The following SLC38A9 variants were observed in gnomAD, a reference collection of about 807,000 sequenced individuals.
SLC38A9 encodes neutral amino acid transporter 9.
SLC38A9 carries 48 observed loss-of-function variants against 62.3 expected under a neutral mutation model. That is an observed-to-expected ratio of 0.77 (90% CI 0.61 to 0.98). The LOEUF is 0.98. Among genes scored for constraint, SLC38A9 ranks in the 50% least tolerant of loss-of-function variants. The pLI, the probability that SLC38A9 is intolerant of heterozygous loss-of-function variation, is 0.00. For missense variants in SLC38A9, 541 were observed against 679.8 expected, an observed-to-expected ratio of 0.80 and a Z score of 2.27; for synonymous variants, 204 against 227.7, an observed-to-expected ratio of 0.90 and a Z score of 0.94.
intron 12 of SLC38A9, among the ~76,000 whole-genome samples, 156 bp from the exon 13 acceptor site, chr5:55,635,813 T>C (rs1482551774): frequency 6.6e-6 from 1 of 152,210 alleles, no homozygotes; most frequent in Non-Finnish European, 1.5e-5. Flanking sequence ...TCACAGAAAG[T>C]AGTTAAAACA....
At chr5:55,697,654 G>GGAA (rs1491301716) in intron 3 of SLC38A9, among the ~76,000 whole-genome samples, 192 bp downstream of exon 3, 1 of 131,298 alleles carries the variant, frequency 7.6e-6, no homozygotes, top group African/African-American at 2.9e-5. Context: ...TGAGTTTAGT[G>GGAA]AAAAAAAAAA....
intron 11 of SLC38A9, among the ~76,000 whole-genome samples, chr5:55,646,466 GGTCT>G (rs1306279751): frequency 6.6e-6 from 1 of 151,938 alleles, no homozygotes; most frequent in African/African-American, 2.4e-5. Context: ...TCAAATTTAG[GGTCT>G]GTCTGACTTT....
intron 3 of SLC38A9, chr5:55,695,879 G>A (rs1431977748): frequency 2.4e-5 from 2 of 81,912 alleles, no homozygotes; most frequent in Admixed American, 1.1e-4. Context: ...CGGATGGGGC[G>A]GCTGGCCGGG....
chr5:55,657,994 C>T (rs192571278), intron 8 of SLC38A9: 1 of 152,030 alleles, frequency 6.6e-6, no homozygotes. Context: ...AATCTTGACA[C>T]GAAGTGTACT....
chr5:55,662,852 T>C (rs193005437), intron 8 of SLC38A9, among the ~76,000 whole-genome samples: 8 of 151,870 alleles, frequency 5.3e-5, no homozygotes, highest in African/African-American at 1.9e-4. Flanking sequence ...TTTCTTTTTA[T>C]AGGAATACAG....
At position 55,663,296 on chromosome 5, in the gene SLC38A9, C is replaced by CAA. The variant is rs555065009; in HGVS notation, c.697+1395_697+1396dup. ...GCAACATACTGATACTCTGTCTCTA[C>CAA]AAAAAAAAAAAAAAAAAAAAAAAAA... On this transcript the variant is annotated intron_variant, in intron 8 of 15. Transcript: ENST00000396865. 2.3e-3 allele frequency among the ~76,000 whole-genome samples: 218 copies of CAA among 93,102 alleles called. 22 individuals carry two copies. Among genetic ancestry groups the CAA allele is most frequent in the African/African-American group, 8.2e-3 (175 of 21,260 alleles). 61.1% of individuals were successfully genotyped at this position (93,102 alleles called of 152,430 possible).
intron 2 of SLC38A9, among the ~76,000 whole-genome samples, chr5:55,699,666 T>C (rs1258486550): frequency 1.3e-5 from 2 of 151,928 alleles, no homozygotes; most frequent in African/African-American, 2.4e-5. Context: ...ACAGAAAAAG[T>C]AGACATTTTC....
At chr5:55,633,606 C>T (rs180910858) in intron 14 of SLC38A9, 148 bp downstream of exon 14, 1 of 1,045,278 alleles carries the variant, frequency 9.6e-7, no homozygotes, top group East Asian at 2.7e-5. Flanking sequence ...TAAAGCTCTT[C>T]AGGGAAGAGG....
At chr5:55,637,526 T>C (rs1744634252) in intron 12 of SLC38A9, among the ~76,000 whole-genome samples, 1 of 152,216 alleles carries the variant, frequency 6.6e-6, no homozygotes, top group Admixed American at 6.5e-5. Context: ...AGTTCTTGCA[T>C]CATGTTGGTA....
intron 3 of SLC38A9, chr5:55,691,042 G>A (rs377660041): frequency 3.2e-6 from 2 of 631,084 alleles, no homozygotes; most frequent in East Asian, 2.7e-5. Flanking sequence ...CACGCTAGAG[G>A]ACATTATAAA....
intron 3 of SLC38A9, among the ~76,000 whole-genome samples, chr5:55,682,315 C>T (rs1753141002): frequency 6.6e-6 from 1 of 152,196 alleles, no homozygotes; most frequent in Admixed American, 6.5e-5. Flanking sequence ...CACAGAGCAG[C>T]ACCTGCACAG....
chr5:55,690,857 C>A (rs1053589795), intron 3 of SLC38A9, among the ~76,000 whole-genome samples: 1 of 152,132 alleles, frequency 6.6e-6, no homozygotes, highest in Non-Finnish European at 1.5e-5. Flanking sequence ...TGTTAGACTG[C>A]GACCTTATTT....
chr5:55,685,115 A>T (rs921788193), intron 3 of SLC38A9, among the ~76,000 whole-genome samples: 7 of 152,208 alleles, frequency 4.6e-5, no homozygotes, highest in African/African-American at 1.7e-4. Flanking sequence ...TATTTTTAAA[A>T]ACATTTTGTC....
intron 8 of SLC38A9, among the ~76,000 whole-genome samples, chr5:55,659,930 T>C (rs1749188661): frequency 6.6e-6 from 1 of 151,424 alleles, no homozygotes; most frequent in Non-Finnish European, 1.5e-5. Flanking sequence ...CATGCCCGGC[T>C]AATTTTTGTG....
intron 8 of SLC38A9, among the ~76,000 whole-genome samples, chr5:55,660,461 A>G (rs1749330254): frequency 6.6e-6 from 1 of 152,198 alleles, no homozygotes; most frequent in African/African-American, 2.4e-5. Flanking sequence ...AACAGCAACA[A>G]ATAATTTGAA....
Position 55,697,940 on chromosome 5 carries a change from C to A in SLC38A9, c.19G>T (p.Asp7Tyr). 1 of 1,597,636 alleles carries A rather than the reference C, an allele frequency of 6.3e-7. No individual in the cohort carries two copies. The highest frequency in any genetic ancestry group is 1.1e-5 in the South Asian group (1 of 87,320). MANMNS[D>Y]SRHLGTSEVD... ...TCAGAGGTGCCAAGATGCCTAGAAT[C>A]ACTATTCATATTTGCCATTTTTCTC... The change falls in exon 3 of 16, where the codon GAT becomes TAT. Residue 7 changes from aspartate to tyrosine, a missense_variant. By Grantham distance (160) the Asp-to-Tyr change is radical. Coordinates refer to ENST00000396865, the MANE Select transcript of SLC38A9 (RefSeq NM_173514.4).
At chr5:55,640,870 C>G (rs1745349934) in intron 12 of SLC38A9, among the ~76,000 whole-genome samples, 1 of 152,206 alleles carries the variant, frequency 6.6e-6, no homozygotes, top group African/African-American at 2.4e-5. Flanking sequence ...GAGTTTCACT[C>G]TTGTTGCCCA....
chr5:55,649,152 A>G (rs1301641232), intron 11 of SLC38A9, 55 bp downstream of exon 11: 7 of 967,498 alleles, frequency 7.2e-6, no homozygotes, highest in Non-Finnish European at 1.0e-5. Context: ...AGAATAGCAT[A>G]TGACAATGGT....
At position 55,645,807 on chromosome 5, in the gene SLC38A9, G is replaced by A. The variant is rs753921229; in HGVS notation, c.1149C>T (p.Asn383=). 6.2e-7 allele frequency: 1 copy of A among 1,606,268 alleles called. No individual in the cohort carries two copies. Among genetic ancestry groups the A allele is most frequent in the Non-Finnish European group, 8.5e-7 (1 of 1,175,344 alleles). Residue 383 remains asparagine (N), a synonymous_variant, in exon 12 of 16, where the codon AAC becomes AAT. Transcript: ENST00000396865. ...TACTCACATTGTTTTCTTGTTTCTT[G>A]TTGTTCTTCAAGAGTGTGATGATAC... ...HNCIITLLKN[N]KKQENNVRDL...
Sources: gnomAD v4.1 joint callset for allele counts (sites outside exome capture counted in the v4.1 genomes callset) on GRCh38, gnomAD v4.1.1 for gene constraint, MANE v1.5 for transcripts, NCBI Gene and HGNC (gene_info 2026-07-23, HGNC 2026-07-21) for gene names.